Variants in IQGAP2 observed in about 807,000 individuals in gnomAD.
IQGAP2 encodes ras GTPase-activating-like protein IQGAP2.
A neutral mutation model predicts 201.3 loss-of-function variants in IQGAP2; 173 were observed. That is an observed-to-expected ratio of 0.86 (90% CI 0.76 to 0.98). IQGAP2 has a LOEUF of 0.98. Ranked by LOEUF, IQGAP2 falls within the 50% of genes least tolerant of loss-of-function variation. The pLI is 0.00. For synonymous variants in IQGAP2, 675 were observed against 673.9 expected, an observed-to-expected ratio of 1.00 and a Z score of -0.03; for missense variants, 1,687 against 1,864.8, an observed-to-expected ratio of 0.90 and a Z score of 1.76.
intron 16 of IQGAP2, among the ~76,000 whole-genome samples, chr5:76,639,335 T>G (rs576977823): frequency 6.6e-6 from 1 of 152,346 alleles, no homozygotes; most frequent in African/African-American, 2.4e-5. Context: ...GCATTGTTTT[T>G]GACACAGTCA....
At chr5:76,455,784 G>C (rs1272238953) in intron 1 of IQGAP2, among the ~76,000 whole-genome samples, 1 of 152,158 alleles carries the variant, frequency 6.6e-6, no homozygotes, top group East Asian at 1.9e-4. Flanking sequence ...TCTTGTCACT[G>C]TTAGTTACCC....
At chr5:76,507,676 T>G (rs1367786808) in intron 2 of IQGAP2, among the ~76,000 whole-genome samples, 1 of 152,180 alleles carries the variant, frequency 6.6e-6, no homozygotes, top group Non-Finnish European at 1.5e-5. Flanking sequence ...AATATACAAA[T>G]AATTCTTAAA....
chr5:76,479,548 CCT>C (rs1277179999), intron 2 of IQGAP2, among the ~76,000 whole-genome samples: 1 of 152,126 alleles, frequency 6.6e-6, no homozygotes, highest in African/African-American at 2.4e-5. Flanking sequence ...ACGTGCCATC[CCT>C]CTCACAATTT....
At chr5:76,462,835 T>G (rs963457007) in intron 2 of IQGAP2, among the ~76,000 whole-genome samples, 1 of 152,184 alleles carries the variant, frequency 6.6e-6, no homozygotes, top group African/African-American at 2.4e-5. Context: ...CTTTAGGCTC[T>G]AAAAACCAAG....
In IQGAP2 at chr5:76,575,657, A is replaced by G. The variant is rs115754709; in HGVS notation, c.382-36A>G. On this transcript the variant is annotated intron_variant, in intron 4 of 35. Coordinates refer to ENST00000274364, the MANE Select transcript of IQGAP2 (RefSeq NM_006633.5). ...GAAGTTAAAATACTTGTGAGAAGCA[A>G]AACATATAATAAATATTGTTTCTTT... 5.1e-4 allele frequency: 700 copies of G among 1,380,828 alleles called. 2 individuals are homozygous for G. The African/African-American group carries it at 8.9e-3, about 18-fold the overall frequency. The allele number at this position is 1,380,828 out of a possible 1,614,324, so 85.5% of individuals were successfully genotyped here.
chr5:76,667,842 G>A (rs146896249), intron 22 of IQGAP2, among the ~76,000 whole-genome samples: 2 of 149,108 alleles, frequency 1.3e-5, no homozygotes, highest in South Asian at 2.1e-4. Flanking sequence ...AATCCTTCTA[G>A]GCCAGTCTAT....
chr5:76,631,345 G>A (rs527817875), intron 14 of IQGAP2, among the ~76,000 whole-genome samples: 33 of 152,210 alleles, frequency 2.2e-4, no homozygotes, highest in African/African-American at 6.3e-4. Flanking sequence ...TTAGGACTCC[G>A]TTGCACATAT....
At chr5:76,637,711 G>A (rs1218222322) in intron 16 of IQGAP2, among the ~76,000 whole-genome samples, 3 of 152,198 alleles carry the variant, frequency 2.0e-5, no homozygotes, top group Non-Finnish European at 2.9e-5. Context: ...TGCTTCTTCC[G>A]AGATGGTCAT....
chr5:76,593,983 G>T (rs1481742843), intron 9 of IQGAP2, among the ~76,000 whole-genome samples: 1 of 152,182 alleles, frequency 6.6e-6, no homozygotes, highest in South Asian at 2.1e-4. Flanking sequence ...AAATGTCTAG[G>T]AGTTAACAAC....
chr5:76,524,799 T>G (rs114247353), intron 2 of IQGAP2, among the ~76,000 whole-genome samples: 2 of 152,306 alleles, frequency 1.3e-5, no homozygotes, highest in Non-Finnish European at 2.9e-5. Context: ...CTTTGAAAGA[T>G]TTAGGGAATA....
At position 76,561,403 on chromosome 5, in the gene IQGAP2, A is replaced by G. The variant is rs563825882; in HGVS notation, c.147-993A>G. Among the ~76,000 whole-genome samples, 4 of 152,318 alleles carry G rather than the reference A, an allele frequency of 2.6e-5. No homozygotes were observed. The East Asian group carries it at 7.7e-4, about 29-fold the overall frequency. The stretch of plus-strand genomic sequence containing the variant: ...TGGGATCAGTTGTTAATATTGGGGC[A>G]CGGTGCTCTACTGTTTAAGTGTTGG... On this transcript the variant is annotated intron_variant, in intron 2 of 35. Transcript: ENST00000274364.
At chr5:76,561,540 G>A (rs1744366962) in intron 2 of IQGAP2, among the ~76,000 whole-genome samples, 2 of 152,134 alleles carry the variant, frequency 1.3e-5, no homozygotes, top group South Asian at 2.1e-4. Context: ...CAGGGAGGCT[G>A]GGGGCTCCCT....
rs571708290 is a variant in IQGAP2 at position 76,554,721 on chromosome 5, G to A, written c.147-7675G>A. ...ACACTGCTGGTGAGAATGGGAAGTG[G>A]TACAGCTGTTTTGGAAAACAGTCTG... is the stretch of plus-strand genomic sequence containing the variant. On this transcript the variant is annotated intron_variant, in intron 2 of 35. Transcript: ENST00000274364. Among the ~76,000 whole-genome samples, 5 of 152,250 alleles carry A rather than the reference G, an allele frequency of 3.3e-5. No homozygotes were observed. In the East Asian group the frequency reaches 7.7e-4, roughly 23 times the overall value.
intron 1 of IQGAP2, among the ~76,000 whole-genome samples, chr5:76,439,097 T>C (rs1337207863): frequency 2.0e-5 from 3 of 152,234 alleles, no homozygotes; most frequent in African/African-American, 7.2e-5. Flanking sequence ...GTTTCCATCT[T>C]GATTTCATTG....
At chr5:76,585,363 CT>C (rs572900873) in intron 5 of IQGAP2, among the ~76,000 whole-genome samples, 25 of 152,076 alleles carry the variant, frequency 1.6e-4, no homozygotes, top group East Asian at 3.9e-4. Flanking sequence ...CTAAATTTCA[CT>C]TTTTTTATAG....
At chr5:76,476,367 C>T (rs1013785293) in intron 2 of IQGAP2, among the ~76,000 whole-genome samples, 2 of 152,024 alleles carry the variant, frequency 1.3e-5, no homozygotes, top group African/African-American at 2.4e-5. Context: ...CTGGGAGAAA[C>T]GTTTATTTGG....
At chr5:76,510,147 C>T (rs544241898) in intron 2 of IQGAP2, among the ~76,000 whole-genome samples, 28 of 152,042 alleles carry the variant, frequency 1.8e-4, no homozygotes, top group African/African-American at 6.5e-4. Context: ...TTACAGGCAC[C>T]CGCCACCATG....
intron 2 of IQGAP2, among the ~76,000 whole-genome samples, chr5:76,539,853 C>T (rs1742638507): frequency 6.6e-6 from 1 of 152,112 alleles, no homozygotes; most frequent in Non-Finnish European, 1.5e-5. Flanking sequence ...TAACAATATC[C>T]TTTTTAAGGA....
At chr5:76,573,613 C>G (rs1326269457) in intron 4 of IQGAP2, among the ~76,000 whole-genome samples, 1 of 151,904 alleles carries the variant, frequency 6.6e-6, no homozygotes, top group African/African-American at 2.4e-5. Flanking sequence ...CGGTAATACT[C>G]TTTTTTGTTG....
Sources: allele counts gnomAD v4.1 joint callset (sites outside exome capture counted in the v4.1 genomes callset), GRCh38; gene constraint gnomAD v4.1.1; transcripts MANE v1.5; gene names NCBI Gene and HGNC (gene_info 2026-07-23, HGNC 2026-07-21).